CCDC141: variants seen among roughly 807,000 people sequenced by gnomAD.
CCDC141 encodes coiled-coil domain containing 141.
CCDC141 carries 168 observed loss-of-function variants against 181.0 expected under a neutral mutation model. The observed-to-expected ratio is 0.93, with a 90% CI of 0.82 to 1.05. CCDC141 has a LOEUF of 1.05. Ranked by LOEUF, CCDC141 falls within the 50% of genes least tolerant of loss-of-function variation. The pLI is 0.00. For synonymous variants in CCDC141, 666 were observed against 642.3 expected (o/e 1.04, Z -0.56); for missense variants, 1,902 against 1,788.5 (o/e 1.06, Z -1.14).
chr2:178,894,276 T>C (rs577462499), intron 8 of CCDC141, among the ~76,000 whole-genome samples: 20 of 152,178 alleles, frequency 1.3e-4, no homozygotes, highest in Non-Finnish European at 2.9e-4. Context: ...AGGTGGTCAC[T>C]GCAAAGCTGC....
chr2:178,902,972 AAGAC>A (rs1687778426), intron 8 of CCDC141, among the ~76,000 whole-genome samples: 1 of 149,078 alleles, frequency 6.7e-6, no homozygotes, highest in African/African-American at 2.4e-5. Flanking sequence ...TTCTCAAAAG[AAGAC>A]ATTTATGCAG....
intron 21 of CCDC141, 31 bp from the exon 22 acceptor site, chr2:178,845,773 A>G (rs781719327): frequency 3.7e-6 from 5 of 1,356,150 alleles, no homozygotes; most frequent in Middle Eastern, 1.8e-4. Flanking sequence ...TGAGAGCATG[A>G]GCCAGGAAAG....
At chr2:179,015,759 A>C (rs1424762687) in intron 2 of CCDC141, among the ~76,000 whole-genome samples, 1 of 86,814 alleles carries the variant, frequency 1.2e-5, no homozygotes, top group African/African-American at 3.0e-5. Flanking sequence ...TATATCTCAT[A>C]TATATCATAT....
rs534174710 is a variant in CCDC141, at chr2:178,830,844, T to C, written c.*3329A>G. 2 of 152,202 alleles carry C rather than the reference T, an allele frequency of 1.3e-5. No individual in the cohort carries two copies. Among genetic ancestry groups the C allele is most frequent in the African/African-American group, 4.8e-5 (2 of 41,480 alleles). 9.4% of individuals were successfully genotyped at this position (152,202 alleles called of 1,614,324 possible). On this transcript the variant is annotated 3_prime_UTR_variant, in exon 24 of 24. Coordinates refer to ENST00000443758, the MANE Select transcript of CCDC141 (RefSeq NM_173648.4). ...TCACATGAAGATAGGGTGGTGAAGA[T>C]AGTAAGAGAGTTATAGGAAGAAAGG...
chr2:178,895,827 T>C (rs1360587675), intron 8 of CCDC141, among the ~76,000 whole-genome samples: 5 of 152,206 alleles, frequency 3.3e-5, no homozygotes, highest in Non-Finnish European at 7.4e-5. Flanking sequence ...TCATATAAAA[T>C]GCAGGCATAG....
At chr2:178,986,761 G>A (rs2154381819) in intron 2 of CCDC141, among the ~76,000 whole-genome samples, 1 of 152,006 alleles carries the variant, frequency 6.6e-6, no homozygotes, top group East Asian at 1.9e-4. Context: ...AACGTACAAG[G>A]GATGTGAAGG....
rs1193978091 is a variant in CCDC141, at chr2:178,865,837, T to A, written c.2654A>T (p.Lys885Ile). Reference sequence around the variant, plus strand: ...CAGGGTCCGTCCATACTCCTCAGCTTTGGCACGCCACTTCATGCTGTCCTC... The same window carrying A: ...CAGGGTCCGTCCATACTCCTCAGCTATGGCACGCCACTTCATGCTGTCCTC... Reference protein sequence around the residue: ...LEEDSMKWRAKAEEYGRTLSR... With the variant: ...LEEDSMKWRAIAEEYGRTLSR... The change falls in exon 17 of 24, where the codon AAA becomes ATA. Residue 885 changes from lysine to isoleucine, a missense_variant. Coordinates refer to ENST00000443758, the MANE Select transcript of CCDC141 (RefSeq NM_173648.4). 6.2e-7 allele frequency: 1 copy of A among 1,607,530 alleles called. No individual in the cohort carries two copies. The highest frequency in any genetic ancestry group is 8.5e-7 in the Non-Finnish European group (1 of 1,176,578).
Position 178,837,634 on chromosome 2 carries a change from G to T in CCDC141, c.3585C>A (p.Leu1195=), listed in dbSNP as rs746723089. The change falls in exon 23 of 24, where the codon CTC becomes CTA. Residue 1195 remains leucine (L), a synonymous_variant. Transcript: ENST00000443758. ...CCCCTGAGAGCATGTCTTCAGGCAG[G>T]AGCAGGTCCTGGACGCCACCCTCCT... ...TDKEGGVQDL[L]LPEDMLSGEE... 7 of 1,614,054 alleles carry T rather than the reference G, an allele frequency of 4.3e-6. No homozygotes were observed. Among genetic ancestry groups the T allele is most frequent in the Non-Finnish European group, 5.9e-6 (7 of 1,179,968 alleles).
At chr2:178,978,705 G>A in intron 2 of CCDC141, 30 bp from the exon 3 acceptor site, 1 of 1,459,386 alleles carries the variant, frequency 6.9e-7, no homozygotes, top group Non-Finnish European at 9.1e-7. Context: ...GCATAAGGCA[G>A]GGTGTTAACT....
intron 2 of CCDC141, among the ~76,000 whole-genome samples, chr2:179,008,341 C>T (rs2042170492): frequency 6.6e-6 from 1 of 152,204 alleles, no homozygotes; most frequent in Non-Finnish European, 1.5e-5. Context: ...CACTAGGAGA[C>T]ATATGACATG....
chr2:179,028,889 A>G (rs1349989561), intron 2 of CCDC141, among the ~76,000 whole-genome samples: 1 of 152,208 alleles, frequency 6.6e-6, no homozygotes. Flanking sequence ...ATATAGTTAT[A>G]AAGGCAACCT....
Position 178,931,227 on chromosome 2 carries a change from T to C in CCDC141, c.898-12320A>G, listed in dbSNP as rs142894794. On this transcript the variant is annotated intron_variant, in intron 6 of 23. Transcript: ENST00000443758. ...GAATCTTCTACCTTTCTGGTAGAAATATAAAACAGAGCAGCTGCTATGGAA... is the reference window on the plus strand; with the variant it reads ...GAATCTTCTACCTTTCTGGTAGAAACATAAAACAGAGCAGCTGCTATGGAA... Among the ~76,000 whole-genome samples the C allele has an allele frequency of 1.6e-3, 238 of 152,228 alleles. No individual in the cohort carries two copies. The South Asian group carries it at 0.018, about 11-fold the overall frequency.
chr2:178,904,613 A>T (rs970327831), intron 8 of CCDC141, among the ~76,000 whole-genome samples: 1 of 152,198 alleles, frequency 6.6e-6, no homozygotes, highest in African/African-American at 2.4e-5. Flanking sequence ...TGAAAAATGT[A>T]AGCCCTGCTT....
chr2:178,821,951 T>C, the CCDC141 span, among the ~76,000 whole-genome samples: 26 of 152,298 alleles, frequency 1.7e-4, no homozygotes, highest in African/African-American at 4.8e-4. Flanking sequence ...TAAAGACACA[T>C]GCACACGTAT....
downstream of CCDC141, among the ~76,000 whole-genome samples, chr2:178,828,634 T>G (rs1444723588): frequency 1.3e-5 from 2 of 152,160 alleles, no homozygotes; most frequent in Non-Finnish European, 2.9e-5. Flanking sequence ...ATGGGCATAT[T>G]CCCCTTTCTG....
Position 178,834,329 on chromosome 2 carries a change from A to C in CCDC141, c.4437T>G (p.Tyr1479Ter), listed in dbSNP as rs539116633. 8.7e-5 allele frequency: 134 copies of C among 1,536,022 alleles called. No homozygotes were observed. In the African/African-American group the frequency reaches 1.7e-3, roughly 20 times the overall value. ...CGCTAGAGTTTTGGGCCCGAGCCAC[A>C]TAGAGGCCTGCGTCTGCCTTGCATA... ...PKVCKADAGL[Y>*]VARAQNSSGA... Residue 1479 changes from tyrosine (Y) to a stop codon, truncating the protein, a stop_gained, in exon 24 of 24, where the codon TAT (tyrosine) becomes TAG (stop). Transcript: ENST00000443758. LOFTEE classifies it high-confidence loss of function.
chr2:178,912,526 C>T (rs1467443586), intron 7 of CCDC141, among the ~76,000 whole-genome samples: 2 of 152,058 alleles, frequency 1.3e-5, no homozygotes, highest in African/African-American at 2.4e-5. Flanking sequence ...CAAATACTTG[C>T]TGTGGTTTAA....
chr2:179,045,624 A>T (rs2043471872), intron 2 of CCDC141, among the ~76,000 whole-genome samples: 1 of 151,648 alleles, frequency 6.6e-6, no homozygotes, highest in African/African-American at 2.4e-5. Flanking sequence ...TTACAGTCCC[A>T]CCAACAGTGT....
intron 20 of CCDC141, among the ~76,000 whole-genome samples, chr2:178,851,576 C>T (rs1307592838): frequency 6.6e-6 from 1 of 152,132 alleles, no homozygotes. Context: ...CATCTGCAAG[C>T]CAAGCAGAGT....
Sources: allele counts gnomAD v4.1 joint callset (sites outside exome capture counted in the v4.1 genomes callset), GRCh38; gene constraint gnomAD v4.1.1; transcripts MANE v1.5; gene names NCBI Gene and HGNC (gene_info 2026-07-23, HGNC 2026-07-21).